GABRG3: variants seen among roughly 807,000 people sequenced by gnomAD.
The protein encoded by GABRG3 is gamma-aminobutyric acid receptor subunit gamma-3.
In GABRG3, 25 loss-of-function variants were observed where a neutral mutation model predicts 48.8. The ratio of observed to expected loss-of-function variants is 0.51; its 90% CI spans 0.37 to 0.72. GABRG3 has a LOEUF of 0.72. GABRG3 is among the 30% of genes least tolerant of loss of function. GABRG3 has a pLI of 0.00. For missense variants in GABRG3, 394 were observed against 577.9 expected (o/e 0.68, Z 3.26); for synonymous variants, 227 against 217.6 (o/e 1.04, Z -0.38).
chr15:27,470,037 T>G (rs1889737107), intron 5 of GABRG3, among the ~76,000 whole-genome samples: 1 of 152,252 alleles, frequency 6.6e-6, no homozygotes, highest in African/African-American at 2.4e-5. Context: ...CATTTGTTAG[T>G]GGTTTGTTTA....
At chr15:27,441,784 C>G (rs1206722571) in intron 5 of GABRG3, among the ~76,000 whole-genome samples, 1 of 152,128 alleles carries the variant, frequency 6.6e-6, no homozygotes, top group Non-Finnish European at 1.5e-5. Flanking sequence ...CCCACACAGT[C>G]TACGGAGTTG....
chr15:27,277,472 T>C (rs1022078194), intron 3 of GABRG3, among the ~76,000 whole-genome samples: 17 of 152,222 alleles, frequency 1.1e-4, no homozygotes, highest in African/African-American at 3.9e-4. Flanking sequence ...CTTAAATTCT[T>C]TGATGACTTC....
At chr15:27,063,478 C>T (rs1026473890) in intron 3 of GABRG3, among the ~76,000 whole-genome samples, 1 of 152,166 alleles carries the variant, frequency 6.6e-6, no homozygotes, top group African/African-American at 2.4e-5. Context: ...TCTGAGTTTG[C>T]ACCAGATCTG....
chr15:27,460,508 T>G (rs1035529433), intron 5 of GABRG3, among the ~76,000 whole-genome samples: 2 of 152,172 alleles, frequency 1.3e-5, no homozygotes, highest in Admixed American at 1.3e-4. Context: ...CAGGAGTTTT[T>G]AAAGGCAGGG....
chr15:27,324,137 G>A (rs1893525651), intron 3 of GABRG3, among the ~76,000 whole-genome samples: 1 of 152,208 alleles, frequency 6.6e-6, no homozygotes, highest in Non-Finnish European at 1.5e-5. Flanking sequence ...TTTCTCATCA[G>A]AGAAAAATAC....
intron 6 of GABRG3, among the ~76,000 whole-genome samples, chr15:27,493,365 C>G (rs1890403504): frequency 6.6e-6 from 1 of 151,998 alleles, no homozygotes; most frequent in Admixed American, 6.5e-5. Flanking sequence ...CAGCTAATAT[C>G]AGGTAGATAG....
chr15:27,481,235 A>C, intron 6 of GABRG3: 22 of 979,380 alleles, frequency 2.2e-5, no homozygotes, highest in Non-Finnish European at 2.7e-5. Flanking sequence ...TTTCTTTTTC[A>C]ATGATTGAAA....
chr15:26,971,693 T>A (rs890721457), intron 1 of GABRG3, 105 bp downstream of exon 1: 834 of 1,298,602 alleles, frequency 6.4e-4, no homozygotes, highest in Non-Finnish European at 8.0e-4. Context: ...TCGGCTGGGC[T>A]GCGGCACGGC....
At chr15:27,159,387 C>G (rs1413554283) in intron 3 of GABRG3, among the ~76,000 whole-genome samples, 1 of 151,882 alleles carries the variant, frequency 6.6e-6, no homozygotes, top group African/African-American at 2.4e-5. Context: ...GAGACTGAGG[C>G]ATGAGAATCG....
intron 5 of GABRG3, among the ~76,000 whole-genome samples, chr15:27,438,350 A>AT (rs894904156): frequency 6.6e-6 from 1 of 152,230 alleles, no homozygotes; most frequent in African/African-American, 2.4e-5. Flanking sequence ...TGCATTTTAC[A>AT]TTTTTATGAA....
chr15:27,513,799 GAAA>G (rs1244352387), intron 6 of GABRG3, among the ~76,000 whole-genome samples: 1 of 151,942 alleles, frequency 6.6e-6, no homozygotes, highest in African/African-American at 2.4e-5. Flanking sequence ...CAGGAAGAAA[GAAA>G]AAAATTAAAA....
intron 3 of GABRG3, among the ~76,000 whole-genome samples, chr15:27,074,841 A>T (rs976973893): frequency 2.0e-5 from 3 of 152,140 alleles, no homozygotes; most frequent in Non-Finnish European, 4.4e-5. Context: ...GAAGGAAGTG[A>T]AGCTGAAAAG....
intron 3 of GABRG3, among the ~76,000 whole-genome samples, chr15:27,171,507 C>CATATATATATATATATATAT (rs57913193): frequency 6.2e-5 from 9 of 144,338 alleles, no homozygotes; most frequent in Non-Finnish European, 1.4e-4. Context: ...GCATGTCTAA[C>CATATATATATATATATATAT]ATATATATAT....
At position 27,179,084 on chromosome 15, in the gene GABRG3, AT is replaced by A. The variant is rs1887839494; in HGVS notation, c.271-147721del. 6.6e-6 allele frequency among the ~76,000 whole-genome samples: 1 copy of A among 152,212 alleles called. No homozygotes were observed. Among genetic ancestry groups the A allele is most frequent in the Admixed American group, 6.5e-5 (1 of 15,284 alleles). On this transcript the variant is annotated intron_variant, in intron 3 of 9. Transcript: ENST00000615808. This position sits in a 1 kb window ranked among gnomAD's most constrained non-coding sequence, Gnocchi z 4.0. ...GAAAACTTTTCTTTTTGGGGCCTTC[AT>A]TTTGGGTTATAGTTTTCTATCCCCA... is the stretch of plus-strand genomic sequence containing the variant.
At chr15:27,269,924 T>C (rs766672044) in intron 3 of GABRG3, among the ~76,000 whole-genome samples, 3 of 152,210 alleles carry the variant, frequency 2.0e-5, no homozygotes, top group Non-Finnish European at 4.4e-5. Flanking sequence ...AATATTTTAC[T>C]AATATAAACT....
intron 2 of GABRG3, among the ~76,000 whole-genome samples, chr15:26,987,151 G>C (rs551404559): frequency 2.2e-4 from 33 of 152,254 alleles, no homozygotes; most frequent in Admixed American, 4.6e-4. Context: ...TCAGCTACTC[G>C]GGAGGCTGAG....
chr15:26,984,334 G>A (rs1895111899), intron 2 of GABRG3, among the ~76,000 whole-genome samples: 1 of 152,064 alleles, frequency 6.6e-6, no homozygotes, highest in African/African-American at 2.4e-5. Flanking sequence ...CCATCATCAG[G>A]AAACAATTGT....
chr15:27,510,804 G>A (rs993382358), intron 6 of GABRG3, among the ~76,000 whole-genome samples: 12 of 152,176 alleles, frequency 7.9e-5, no homozygotes, highest in African/African-American at 1.9e-4. Flanking sequence ...AAAACTATCC[G>A]TTACTTTACG....
chr15:27,335,244 G>A (rs950094136), intron 5 of GABRG3, among the ~76,000 whole-genome samples: 11 of 140,776 alleles, frequency 7.8e-5, no homozygotes, highest in Middle Eastern at 3.6e-3. Flanking sequence ...AGTTCTTACG[G>A]GTATATTCCT....
Sources: allele counts gnomAD v4.1 joint callset (sites outside exome capture counted in the v4.1 genomes callset), GRCh38; gene constraint gnomAD v4.1.1; non-coding constraint Gnocchi (gnomAD v3.1); transcripts MANE v1.5; gene names NCBI Gene and HGNC (gene_info 2026-07-23, HGNC 2026-07-21).